Variants in VPS35L observed in about 807,000 individuals in gnomAD.
The protein encoded by VPS35L is VPS35 endosomal protein sorting factor like.
Under a neutral mutation model 133.0 loss-of-function variants are expected in VPS35L, and 83 were observed. The observed-to-expected ratio is 0.62, with a 90% CI of 0.52 to 0.75. The LOEUF is 0.75. Ranked by LOEUF, VPS35L falls within the 30% of genes least tolerant of loss-of-function variation. The pLI is 0.00. For missense variants in VPS35L, 1,083 were observed against 1,206.8 expected (o/e 0.90, Z 1.52); for synonymous variants, 423 against 449.9 (o/e 0.94, Z 0.76).
Position 19,699,408 on chromosome 16 carries a change from A to G in VPS35L, c.2647-94A>G. 1 of 1,480,274 alleles carries G rather than the reference A, an allele frequency of 6.8e-7. No individual in the cohort carries two copies. The highest frequency in any genetic ancestry group is 1.3e-5 in the South Asian group (1 of 79,370). The allele number at this position is 1,480,274 out of a possible 1,614,324, so 91.7% of individuals were successfully genotyped here. A position where few individuals can be genotyped will look rare whatever the true frequency, so the allele number is the denominator to read the frequency against. On this transcript the variant is annotated intron_variant, in intron 29 of 30. Transcript: ENST00000417362. This position sits in a 1 kb window ranked among gnomAD's most constrained non-coding sequence, Gnocchi z 4.2. ...GCAGAGCTGGCACTGGAACTCAGGC[A>G]TGACCTACCCCAGAGTCAGCACTGT... is the stretch of plus-strand genomic sequence containing the variant.
In VPS35L at chr16:19,629,780, G is replaced by T; in HGVS notation, c.1514G>T (p.Cys505Phe). 6.2e-7 allele frequency: 1 copy of T among 1,613,792 alleles called. No individual in the cohort carries two copies. The highest frequency in any genetic ancestry group is 1.1e-5 in the South Asian group (1 of 91,078). ...KLKNPQDYIN[C>F]AEVWVEYTCK... The stretch of plus-strand genomic sequence containing the variant: ...TTCTCTTTGTAGGACTACATTAATT[G>T]TGCCGAAGTGTGGGTGGAATACACC... The change falls in exon 18 of 31, where the codon TGT (cysteine) becomes TTT (phenylalanine). Residue 505 changes from cysteine (C) to phenylalanine (F), a missense_variant. Cys to Phe is a radical substitution (Grantham distance 205). Coordinates refer to ENST00000417362, the MANE Select transcript of VPS35L (RefSeq NM_020314.7).
At chr16:19,668,357 G>A (rs929197886) in intron 26 of VPS35L, among the ~76,000 whole-genome samples, 1 of 152,042 alleles carries the variant, frequency 6.6e-6, no homozygotes, top group Admixed American at 6.6e-5. Flanking sequence ...GGCAGTTTTA[G>A]AAAGAACTTT....
chr16:19,616,289 G>A, intron 13 of VPS35L, 98 bp downstream of exon 13: 2 of 1,032,672 alleles, frequency 1.9e-6, no homozygotes, highest in Non-Finnish European at 3.0e-6. Flanking sequence ...ATGCCTTAAA[G>A]CTCTTTAAAT....
intron 14 of VPS35L, among the ~76,000 whole-genome samples, chr16:19,620,824 G>A (rs1044502624): frequency 2.0e-5 from 3 of 152,034 alleles, no homozygotes; most frequent in Admixed American, 1.3e-4. Context: ...GGTGGCATGC[G>A]CCTGTAATCC....
In VPS35L at chr16:19,616,700, G is replaced by A. The variant is rs550777630; in HGVS notation, c.1116G>A (p.Thr372=). The A allele has an allele frequency of 7.1e-5, 115 of 1,613,922 alleles. No individual in the cohort carries two copies. The highest frequency in any genetic ancestry group is 5.9e-5 in the Non-Finnish European group (70 of 1,179,932). Residue 372 remains threonine, a synonymous_variant, in exon 14 of 31, where the codon ACG becomes ACA. Transcript: ENST00000417362. ...GCCTCCTGTAGATTCATGGGGATAC[G>A]GTCCAGAACCAGCTGGTGGTCCAAG... ...LLTFKQIHGD[T]VQNQLVVQGV...
At chr16:19,575,275 A>G (rs1971494375) in intron 5 of VPS35L, among the ~76,000 whole-genome samples, 153 bp downstream of exon 5, 1 of 152,224 alleles carries the variant, frequency 6.6e-6, no homozygotes, top group Non-Finnish European at 1.5e-5. Flanking sequence ...TAGAAATAAA[A>G]TACATATTTA....
rs143155055 is a variant in VPS35L, at chr16:19,620,247, A to G, written c.1224+3439A>G. Reference sequence around the variant, plus strand: ...TAACCTAATCTGGAGATCACCTTAAAAAATCCAACAGTTAAATATGGTTGT... The same window carrying G: ...TAACCTAATCTGGAGATCACCTTAAGAAATCCAACAGTTAAATATGGTTGT... On this transcript the variant is annotated intron_variant, in intron 14 of 30. Coordinates refer to ENST00000417362, the MANE Select transcript of VPS35L (RefSeq NM_020314.7). Among the ~76,000 whole-genome samples the G allele has an allele frequency of 7.1e-3, 1,080 of 152,322 alleles. 10 individuals carry two copies. The highest frequency in any genetic ancestry group is 9.7e-3 in the Non-Finnish European group (663 of 68,038).
chr16:19,629,752 C>T lies in VPS35L; in HGVS notation c.1501-15C>T. On this transcript the variant is annotated splice_polypyrimidine_tract_variant and intron_variant, in intron 17 of 30. Coordinates refer to ENST00000417362, the MANE Select transcript of VPS35L (RefSeq NM_020314.7). ...GTTGTACTTAATGTTAAGATGTTTTCCTTTCTCTTTGTAGGACTACATTAA... is the reference window on the plus strand; with the variant it reads ...GTTGTACTTAATGTTAAGATGTTTTTCTTTCTCTTTGTAGGACTACATTAA... 1 of 1,611,824 alleles carries T rather than the reference C, an allele frequency of 6.2e-7. No homozygotes were observed.
intron 30 of VPS35L, 46 bp from the exon 31 acceptor site, chr16:19,700,332 A>C: frequency 6.5e-7 from 1 of 1,533,170 alleles, no homozygotes; most frequent in African/African-American, 1.4e-5. Flanking sequence ...TTGGGCTCCA[A>C]GGATAATGAA....
chr16:19,629,266 C>T (rs1973370390), intron 17 of VPS35L, among the ~76,000 whole-genome samples: 1 of 152,036 alleles, frequency 6.6e-6, no homozygotes, highest in African/African-American at 2.4e-5. Context: ...ACCCCTGTCT[C>T]TATTTGAACT....
intron 26 of VPS35L, among the ~76,000 whole-genome samples, chr16:19,658,658 A>G (rs1974383011): frequency 6.6e-6 from 1 of 151,542 alleles, no homozygotes; most frequent in African/African-American, 2.4e-5. Context: ...ATTTTAGAGC[A>G]GAGAGAATTA....
At position 19,601,678 on chromosome 16, in the gene VPS35L, G is replaced by A. The variant is rs1256541871; in HGVS notation, c.739G>A (p.Glu247Lys). The A allele has an allele frequency of 3.1e-6, 5 of 1,614,008 alleles. No homozygotes were observed. The Admixed American group carries it at 5.0e-5, about 16-fold the overall frequency. ...ILDTFGKLVY[E>K]RIFSMCVDSR... ...TTTCCTCCCAGGAAAGCTCGTGTAC[G>A]AGCGCATCTTTTCCATGTGTGTGGA... Residue 247 changes from glutamate (E) to lysine (K), a missense_variant, in exon 9 of 31, where the codon GAG becomes AAG. Physicochemically the swap from Glu to Lys is moderately conservative, Grantham distance 56. Coordinates refer to ENST00000417362, the MANE Select transcript of VPS35L (RefSeq NM_020314.7).
intron 7 of VPS35L, among the ~76,000 whole-genome samples, chr16:19,583,649 G>A (rs1971774421): frequency 6.6e-6 from 1 of 151,712 alleles, no homozygotes; most frequent in South Asian, 2.1e-4. Context: ...GTGAACATGG[G>A]AGGTGGAGGT....
Position 19,569,540 on chromosome 16 carries a change from C to G in VPS35L, c.234C>G (p.Pro78=), listed in dbSNP as rs1228639395. The change falls in exon 3 of 31, where the codon CCC becomes CCG. Residue 78 remains proline (P), a synonymous_variant. Coordinates refer to ENST00000417362, the MANE Select transcript of VPS35L (RefSeq NM_020314.7). ...GCAGCGTCCTCGATGGGACTGACCC[C>G]CTCTCCATGTTTGCAGCCACTGCTG... ...PLSSVLDGTD[P]LSMFAATADP... The G allele has an allele frequency of 6.3e-7, 1 of 1,599,138 alleles. No homozygotes were observed. Among genetic ancestry groups the G allele is most frequent in the South Asian group, 1.1e-5 (1 of 88,750 alleles).
intron 18 of VPS35L, among the ~76,000 whole-genome samples, chr16:19,630,217 C>T (rs1437752905): frequency 6.6e-6 from 1 of 151,584 alleles, no homozygotes; most frequent in Non-Finnish European, 1.5e-5. Flanking sequence ...ACTAGAACCA[C>T]AGTTAGGGGA....
chr16:19,583,830 AT>A (rs2151519988), intron 7 of VPS35L, among the ~76,000 whole-genome samples: 1 of 152,218 alleles, frequency 6.6e-6, no homozygotes, highest in African/African-American at 2.4e-5. Context: ...TGTAGCTGTA[AT>A]TTTGTACCTG....
chr16:19,629,435 G>A (rs1597376384), intron 17 of VPS35L, among the ~76,000 whole-genome samples: 1 of 152,024 alleles, frequency 6.6e-6, no homozygotes, highest in African/African-American at 2.4e-5. Context: ...GCCTTAAGAT[G>A]TGCTAAAAGT....
intron 9 of VPS35L, among the ~76,000 whole-genome samples, chr16:19,607,243 A>AT (rs1339266104): frequency 6.6e-6 from 1 of 152,198 alleles, no homozygotes; most frequent in African/African-American, 2.4e-5. Context: ...GTCAGGGCCG[A>AT]TGGGCCAGCT....
At position 19,634,482 on chromosome 16, in the gene VPS35L, T is replaced by C. The variant is rs531575895; in HGVS notation, c.1635+1310T>C. Among the ~76,000 whole-genome samples the C allele has an allele frequency of 3.1e-3, 471 of 151,598 alleles. 1 individual carries two copies. The highest frequency in any genetic ancestry group is 6.0e-3 in the Non-Finnish European group (409 of 67,948). ...TGTGAAAAGGGTATAAGAGCAGCTT[T>C]TGAAGGGGCTCTCACTTGCTCCCAA... On this transcript the variant is annotated intron_variant, in intron 19 of 30. Coordinates refer to ENST00000417362, the MANE Select transcript of VPS35L (RefSeq NM_020314.7).
Sources: allele counts gnomAD v4.1 joint callset (sites outside exome capture counted in the v4.1 genomes callset), GRCh38; gene constraint gnomAD v4.1.1; non-coding constraint Gnocchi (gnomAD v3.1); transcripts MANE v1.5; gene names NCBI Gene and HGNC (gene_info 2026-07-23, HGNC 2026-07-21).